The following GLMN variants were observed in gnomAD, a reference collection of about 807,000 sequenced individuals.
GLMN encodes glomulin, FKBP associated protein.
GLMN carries 75 observed loss-of-function variants against 87.8 expected under a neutral mutation model. The ratio of observed to expected loss-of-function variants is 0.85; its 90% CI spans 0.71 to 1.04. The LOEUF is 1.04. GLMN is among the 50% of genes least tolerant of loss of function. The probability of loss-of-function intolerance (pLI) is 0.00; values close to 1 mark genes in which losing one functional copy is unlikely to be tolerated. For missense variants in GLMN, 588 were observed against 658.8 expected (o/e 0.89, Z 1.18); for synonymous variants, 206 against 221.6 (o/e 0.93, Z 0.63).
At chr1:92,320,278 T>A in the GLMN span, among the ~76,000 whole-genome samples, 8 of 152,064 alleles carry the variant, frequency 5.3e-5, no homozygotes, top group African/African-American at 1.9e-4. Flanking sequence ...TTAATTTTTT[T>A]CTTTTTTTTT....
intron 7 of GLMN, among the ~76,000 whole-genome samples, chr1:92,283,948 C>G (rs1420385471): frequency 6.6e-6 from 1 of 152,058 alleles, no homozygotes; most frequent in Non-Finnish European, 1.5e-5. Context: ...GAACTACAAA[C>G]CACTGTTCAA....
intron 16 of GLMN, among the ~76,000 whole-genome samples, chr1:92,253,720 AT>A (rs1653842219): frequency 1.3e-5 from 2 of 152,236 alleles, no homozygotes; most frequent in Non-Finnish European, 2.9e-5. Flanking sequence ...AAGCAATAGC[AT>A]TAACGTCAAC....
intron 6 of GLMN, among the ~76,000 whole-genome samples, chr1:92,287,496 G>A (rs1021697921): frequency 6.6e-6 from 1 of 150,660 alleles, no homozygotes; most frequent in Admixed American, 6.6e-5. Flanking sequence ...ACACACCACT[G>A]TGCCCAGCTA....
At chr1:92,312,737 G>A in the GLMN span, among the ~76,000 whole-genome samples, 1 of 152,130 alleles carries the variant, frequency 6.6e-6, no homozygotes, top group East Asian at 1.9e-4. Context: ...TCATCCATTA[G>A]GGTTACAATC....
chr1:92,271,447 C>G lies in GLMN; in HGVS notation c.923+18G>C, dbSNP rs532141211. 1.7e-5 allele frequency: 27 copies of G among 1,591,276 alleles called. No homozygotes were observed. The highest frequency in any genetic ancestry group is 2.2e-5 in the Non-Finnish European group (26 of 1,160,518). On this transcript the variant is annotated intron_variant, in intron 8 of 18. Transcript: ENST00000370360. ...ATTCCTTTTAGAATACATGAATAAACCAAACACTAACTCTTACCTTAAGAC... is the reference window on the plus strand; with the variant it reads ...ATTCCTTTTAGAATACATGAATAAAGCAAACACTAACTCTTACCTTAAGAC...
chr1:92,271,646 A>G lies in GLMN; in HGVS notation c.742T>C (p.Leu248=). The G allele has an allele frequency of 6.2e-7, 1 of 1,609,688 alleles. No individual in the cohort carries two copies. The highest frequency in any genetic ancestry group is 2.2e-5 in the East Asian group (1 of 44,826). ...GGGAAAGGGTGTCCAATTGCTGATA[A>G]AAAACCCTATGAAATGGATAAAAAA... is the stretch of plus-strand genomic sequence containing the variant. ...RYFASEIIGF[L]SAIGHPFPKM... is the part of the protein sequence containing the mutation. Residue 248 remains leucine (L), a synonymous_variant, in exon 8 of 19, where the codon TTA becomes CTA. Transcript: ENST00000370360.
intron 3 of GLMN, among the ~76,000 whole-genome samples, chr1:92,293,757 A>G (rs1649699151): frequency 6.6e-6 from 1 of 152,184 alleles, no homozygotes; most frequent in Admixed American, 6.5e-5. Flanking sequence ...ACACATACAC[A>G]ATGGAGTACT....
At chr1:92,297,615 T>A in intron 2 of GLMN, 86 bp from the exon 3 acceptor site, 1 of 1,180,564 alleles carries the variant, frequency 8.5e-7, no homozygotes, top group Non-Finnish European at 1.2e-6. Context: ...TTGATTTATC[T>A]ATGAAAAAAG....
intron 7 of GLMN, among the ~76,000 whole-genome samples, chr1:92,272,181 G>T (rs1048810130): frequency 2.6e-5 from 4 of 152,186 alleles, no homozygotes; most frequent in Non-Finnish European, 5.9e-5. Flanking sequence ...CCTGAAAGTG[G>T]ATCTTTCCCC....
intron 7 of GLMN, among the ~76,000 whole-genome samples, chr1:92,279,421 A>C (rs1176122416): frequency 2.7e-5 from 4 of 146,864 alleles, no homozygotes; most frequent in Non-Finnish European, 6.0e-5. Context: ...CATGCCATTG[A>C]ACGACAGCCT....
At chr1:92,265,876 A>C (rs1037750840) in intron 13 of GLMN, among the ~76,000 whole-genome samples, 1 of 152,228 alleles carries the variant, frequency 6.6e-6, no homozygotes, top group African/African-American at 2.4e-5. Context: ...AAAGTTGAGC[A>C]CTTGCAACAG....
chr1:92,274,201 A>G (rs1356691413), intron 7 of GLMN, among the ~76,000 whole-genome samples: 1 of 152,034 alleles, frequency 6.6e-6, no homozygotes, highest in East Asian at 1.9e-4. Flanking sequence ...AGATTTTAGA[A>G]CCACTCACCT....
the GLMN span, among the ~76,000 whole-genome samples, chr1:92,318,468 C>A: frequency 6.6e-6 from 1 of 152,198 alleles, no homozygotes. Context: ...CCTGTTCTCT[C>A]TACTATGTTT....
Position 92,264,656 on chromosome 1 carries a change from A to G in GLMN, c.1215-18T>C. ...ATAAGCACCTTGAAAGCAAAATTAC[A>G]ATAGATGTGAAATTATCCTGGACAG... On this transcript the variant is annotated intron_variant, in intron 13 of 18. Transcript: ENST00000370360. 2 of 1,288,678 alleles carry G rather than the reference A, an allele frequency of 1.6e-6. No homozygotes were observed. Among genetic ancestry groups the G allele is most frequent in the East Asian group, 4.6e-5 (2 of 43,304 alleles). 79.8% of individuals were successfully genotyped at this position (1,288,678 alleles called of 1,614,324 possible).
chr1:92,366,207 G>A, the GLMN span, among the ~76,000 whole-genome samples: 3 of 152,260 alleles, frequency 2.0e-5, no homozygotes, highest in East Asian at 5.8e-4. Flanking sequence ...GGAGGCTGAG[G>A]TAGAAGGATT....
the GLMN span, chr1:92,324,099 T>C: frequency 3.1e-6 from 5 of 1,614,042 alleles, no homozygotes; most frequent in African/African-American, 4.0e-5. Flanking sequence ...ATTATGCTTC[T>C]GTGTGTCTGA....
chr1:92,310,884 G>A, the GLMN span, among the ~76,000 whole-genome samples: 2 of 152,132 alleles, frequency 1.3e-5, no homozygotes, highest in Admixed American at 1.3e-4. Context: ...GCAACAGAAC[G>A]AGACTAAGAA....
chr1:92,283,366 A>T (rs938196120), intron 7 of GLMN, among the ~76,000 whole-genome samples: 6 of 152,214 alleles, frequency 3.9e-5, no homozygotes, highest in Non-Finnish European at 7.3e-5. Flanking sequence ...CAATGACAAA[A>T]ACCACATGAT....
the GLMN span, chr1:92,336,456 T>G: frequency 1.4e-6 from 2 of 1,444,916 alleles, no homozygotes; most frequent in Non-Finnish European, 1.9e-6. Context: ...ATTATCCTTC[T>G]CAATTATTTT....
Sources: gnomAD v4.1 joint callset for allele counts (sites outside exome capture counted in the v4.1 genomes callset) on GRCh38, gnomAD v4.1.1 for gene constraint, MANE v1.5 for transcripts, NCBI Gene and HGNC (gene_info 2026-07-23, HGNC 2026-07-21) for gene names.